RAB2A: variants seen among roughly 807,000 people sequenced by gnomAD.
RAB2A encodes ras-related protein Rab-2A.
A neutral mutation model predicts 32.5 loss-of-function variants in RAB2A; 7 were observed. That is an observed-to-expected ratio of 0.22 (90% CI 0.12 to 0.40). The LOEUF is 0.40. Ranked by LOEUF, RAB2A falls within the 10% of genes least tolerant of loss-of-function variation. RAB2A has a pLI of 1.00. For missense variants in RAB2A, 108 were observed against 260.7 expected (o/e 0.41, Z 4.03); for synonymous variants, 79 against 85.2 (o/e 0.93, Z 0.40).
intron 2 of RAB2A, among the ~76,000 whole-genome samples, chr8:60,570,495 G>A (rs1401922461): frequency 6.6e-6 from 1 of 151,952 alleles, no homozygotes; most frequent in Non-Finnish European, 1.5e-5. Context: ...TCATTAATGG[G>A]TTTTGTGTAT....
intron 2 of RAB2A, among the ~76,000 whole-genome samples, chr8:60,567,292 T>C (rs776094002): frequency 1.9e-4 from 29 of 152,198 alleles, no homozygotes; most frequent in Admixed American, 3.9e-4. Context: ...ATTTTTGTAA[T>C]TTTAGTAGAG....
chr8:60,572,029 T>C lies in RAB2A; in HGVS notation c.119-17T>C, dbSNP rs757985960. The C allele has an allele frequency of 6.3e-7, 1 of 1,581,180 alleles. No individual in the cohort carries two copies. The highest frequency in any genetic ancestry group is 2.3e-5 in the East Asian group (1 of 44,406). On this transcript the variant is annotated splice_polypyrimidine_tract_variant and intron_variant, in intron 2 of 7. Coordinates refer to ENST00000262646, the MANE Select transcript of RAB2A (RefSeq NM_002865.3). ...TTCCCACTAATTTTGTAACAAATCATTTCCTACTCTATTTAGGTGTAGAGT... is the reference window on the plus strand; with the variant it reads ...TTCCCACTAATTTTGTAACAAATCACTTCCTACTCTATTTAGGTGTAGAGT...
At chr8:60,563,414 A>G (rs1187968616) in intron 2 of RAB2A, among the ~76,000 whole-genome samples, 1 of 152,206 alleles carries the variant, frequency 6.6e-6, no homozygotes, top group Non-Finnish European at 1.5e-5. Flanking sequence ...AACCTACTGA[A>G]TCATAATTTG....
chr8:60,577,816 G>A (rs1253438119), intron 3 of RAB2A, among the ~76,000 whole-genome samples: 1 of 24,582 alleles, frequency 4.1e-5, no homozygotes, highest in Non-Finnish European at 8.6e-5. Flanking sequence ...TTTTTTTTTT[G>A]GATTTTTAGT....
chr8:60,561,682 T>G (rs181704104), intron 2 of RAB2A, among the ~76,000 whole-genome samples: 18 of 152,354 alleles, frequency 1.2e-4, no homozygotes, highest in South Asian at 2.1e-4. Flanking sequence ...TGAAGTTTCC[T>G]AGGGACGAGA....
rs1038515066 is a variant in RAB2A at position 60,622,162 on chromosome 8, A to G, written c.*1393A>G. On this transcript the variant is annotated 3_prime_UTR_variant, in exon 8 of 8. Transcript: ENST00000262646. ...ATGCGACAAATCTCACCATACTGAA[A>G]TTATTTTTGTTGATGGTGTAAGCAG... 2 of 152,184 alleles carry G rather than the reference A, an allele frequency of 1.3e-5. No homozygotes were observed. Among genetic ancestry groups the G allele is most frequent in the African/African-American group, 2.4e-5 (1 of 41,438 alleles). The allele number at this position is 152,184 out of a possible 1,614,324, so 9.4% of individuals were successfully genotyped here.
intron 1 of RAB2A, among the ~76,000 whole-genome samples, chr8:60,524,275 C>G (rs549476225): frequency 6.6e-6 from 1 of 152,330 alleles, no homozygotes; most frequent in East Asian, 1.9e-4. Flanking sequence ...CAGCTCTCCT[C>G]CTCTTGCAGT....
chr8:60,592,137 C>G, intron 6 of RAB2A, 168 bp downstream of exon 6: 1 of 428,182 alleles, frequency 2.3e-6, no homozygotes, highest in Non-Finnish European at 4.3e-6. Flanking sequence ...TTCTGTCAGA[C>G]TCTTAAATCA....
chr8:60,517,692 A>G (rs991433322), intron 1 of RAB2A, among the ~76,000 whole-genome samples: 9 of 152,092 alleles, frequency 5.9e-5, no homozygotes, highest in Non-Finnish European at 7.4e-5. Context: ...GACCAGTCCA[A>G]CCTTCCTCCA....
intron 6 of RAB2A, among the ~76,000 whole-genome samples, chr8:60,612,976 G>A (rs561629026): frequency 2.6e-5 from 4 of 152,238 alleles, no homozygotes; most frequent in South Asian, 2.1e-4. Context: ...TCACTGACCC[G>A]AAATCAGATA....
intron 5 of RAB2A, among the ~76,000 whole-genome samples, chr8:60,588,832 A>G (rs972882253): frequency 3.9e-5 from 6 of 152,234 alleles, no homozygotes; most frequent in African/African-American, 1.4e-4. Context: ...AAACATCGTT[A>G]TACTGTATAG....
At chr8:60,598,029 C>G (rs1233410306) in intron 6 of RAB2A, among the ~76,000 whole-genome samples, 1 of 152,096 alleles carries the variant, frequency 6.6e-6, no homozygotes, top group African/African-American at 2.4e-5. Flanking sequence ...GAAACCCTGT[C>G]TCTACTGAAA....
At position 60,547,856 on chromosome 8, in the gene RAB2A, C is replaced by T. The variant is rs1377642518; in HGVS notation, c.47-10996C>T. 3.7e-4 allele frequency among the ~76,000 whole-genome samples: 44 copies of T among 118,704 alleles called. 1 individual carries two copies. The highest frequency in any genetic ancestry group is 1.1e-3 in the African/African-American group (30 of 27,412). 77.9% of individuals were successfully genotyped at this position (118,704 alleles called of 152,430 possible). On this transcript the variant is annotated intron_variant, in intron 1 of 7. Transcript: ENST00000262646. The stretch of plus-strand genomic sequence containing the variant: ...CTGACCCCCCCACCTCCCTCCTGGA[C>T]GGGGCGGCTGGCCGGGCGGGGGGCT...
Position 60,517,185 on chromosome 8 carries a change from C to A in RAB2A, c.-23C>A. ...AGCAGCGGGAGGAGGAGCCGTGTGC[C>A]CTGGCACTGAGCGGCCGCGGCCATG... On this transcript the variant is annotated 5_prime_UTR_variant, in exon 1 of 8. Coordinates refer to ENST00000262646, the MANE Select transcript of RAB2A (RefSeq NM_002865.3). 1 of 1,486,940 alleles carries A rather than the reference C, an allele frequency of 6.7e-7. No homozygotes were observed. Among genetic ancestry groups the A allele is most frequent in the Non-Finnish European group, 9.0e-7 (1 of 1,117,020 alleles). The allele number at this position is 1,486,940 out of a possible 1,614,324, so 92.1% of individuals were successfully genotyped here.
intron 1 of RAB2A, among the ~76,000 whole-genome samples, chr8:60,522,314 G>C (rs1248054470): frequency 1.3e-5 from 2 of 152,152 alleles, no homozygotes; most frequent in Non-Finnish European, 2.9e-5. Context: ...ATGTCAGTGA[G>C]GGGGAGAACT....
chr8:60,600,110 T>G (rs902112197), intron 6 of RAB2A, among the ~76,000 whole-genome samples: 1 of 148,850 alleles, frequency 6.7e-6, no homozygotes, highest in Non-Finnish European at 1.5e-5. Flanking sequence ...GCAAGAGAGA[T>G]ATGAGCAGAT....
chr8:60,564,721 G>T (rs1808077692), intron 2 of RAB2A, among the ~76,000 whole-genome samples: 2 of 152,032 alleles, frequency 1.3e-5, no homozygotes, highest in African/African-American at 2.4e-5. Context: ...CTCCCACCTA[G>T]ATTTACTGTT....
Position 60,584,156 on chromosome 8 carries a change from T to C in RAB2A, c.187-52T>C, listed in dbSNP as rs188545800. The C allele has an allele frequency of 5.0e-4, 678 of 1,361,250 alleles. 3 individuals are homozygous for C. In the African/African-American group the frequency reaches 8.0e-3, roughly 16 times the overall value. The allele number at this position is 1,361,250 out of a possible 1,614,324, so 84.3% of individuals were successfully genotyped here. A position where few individuals can be genotyped will look rare whatever the true frequency, so the allele number is the denominator to read the frequency against. Reference sequence around the variant, plus strand: ...ATTCTGTATATGAATAATATGAAAATGTAGAGGACATTGTATTAAAGGAAA... The same window carrying C: ...ATTCTGTATATGAATAATATGAAAACGTAGAGGACATTGTATTAAAGGAAA... On this transcript the variant is annotated intron_variant, in intron 3 of 7. Transcript: ENST00000262646.
chr8:60,557,733 TTTTTTTTGTC>T (rs1807960529), intron 1 of RAB2A, among the ~76,000 whole-genome samples: 1 of 151,838 alleles, frequency 6.6e-6, no homozygotes, highest in African/African-American at 2.4e-5. Flanking sequence ...ACCCATCTTT[TTTTTTTTGTC>T]TTTTTTTGTT....
Sources: allele counts gnomAD v4.1 joint callset (sites outside exome capture counted in the v4.1 genomes callset), GRCh38; gene constraint gnomAD v4.1.1; transcripts MANE v1.5; gene names NCBI Gene and HGNC (gene_info 2026-07-23, HGNC 2026-07-21).